PEPD: variants seen among roughly 807,000 people sequenced by gnomAD.
PEPD encodes xaa-Pro dipeptidase.
In PEPD, 53 loss-of-function variants were observed where a neutral mutation model predicts 60.7. The observed-to-expected ratio is 0.87, with a 90% CI of 0.70 to 1.10. PEPD has a LOEUF of 1.10. Among genes scored for constraint, PEPD ranks in the 50% least tolerant of loss-of-function variants. PEPD has a pLI of 0.00. For synonymous variants in PEPD, 267 were observed against 284.1 expected (o/e 0.94, Z 0.60); for missense variants, 711 against 711.9 (o/e 1.00, Z 0.01).
chr19:33,499,736 AAGAC>A (rs1211850674), intron 4 of PEPD, among the ~76,000 whole-genome samples: 1 of 152,194 alleles, frequency 6.6e-6, no homozygotes, highest in East Asian at 1.9e-4. Flanking sequence ...GGATAGGAGA[AAGAC>A]AGAGAAATGG....
At chr19:33,493,757 T>A (rs1568500540) in intron 4 of PEPD, among the ~76,000 whole-genome samples, 1 of 152,000 alleles carries the variant, frequency 6.6e-6, no homozygotes, top group Non-Finnish European at 1.5e-5. Flanking sequence ...GAAGACTCCC[T>A]CCCTGCTCCC....
chr19:33,474,165 C>T lies in PEPD; in HGVS notation c.548+3881G>A, dbSNP rs929824699. Among the ~76,000 whole-genome samples, 4 of 152,292 alleles carry T rather than the reference C, an allele frequency of 2.6e-5. No individual in the cohort carries two copies. In the South Asian group the frequency reaches 8.3e-4, roughly 32 times the overall value. ...CAAGACCATTCCAAGGGTGCTGGAC[C>T]GTACGTTCAGTGGGACCAGCAGTGA... On this transcript the variant is annotated intron_variant, in intron 7 of 14. Coordinates refer to ENST00000244137, the MANE Select transcript of PEPD (RefSeq NM_000285.4).
intron 9 of PEPD, among the ~76,000 whole-genome samples, chr19:33,445,941 AAGAG>A (rs1442552470): frequency 6.6e-6 from 1 of 152,170 alleles, no homozygotes; most frequent in African/African-American, 2.4e-5. Flanking sequence ...CCCGTGGCAG[AAGAG>A]AGAAATCCAC....
chr19:33,518,215 TA>T (rs1568515637), intron 1 of PEPD, among the ~76,000 whole-genome samples: 4 of 152,178 alleles, frequency 2.6e-5, no homozygotes, highest in East Asian at 3.9e-4. Context: ...CTGGGGCGGA[TA>T]GGGGTGCCAA....
chr19:33,469,487 T>G (rs529614270), intron 7 of PEPD, among the ~76,000 whole-genome samples: 6 of 152,250 alleles, frequency 3.9e-5, no homozygotes, highest in African/African-American at 1.4e-4. Context: ...CCACTCCTAC[T>G]TCTTGGAGCG....
chr19:33,467,545 C>T (rs1441227507), intron 7 of PEPD, among the ~76,000 whole-genome samples: 2 of 152,094 alleles, frequency 1.3e-5, no homozygotes, highest in African/African-American at 4.8e-5. Flanking sequence ...AGGGCAAAGG[C>T]AAGATGGGGT....
Position 33,521,099 on chromosome 19 carries a change from T to G in PEPD, c.17+645A>C, listed in dbSNP as rs1229185899. 2.0e-5 allele frequency among the ~76,000 whole-genome samples: 3 copies of G among 152,150 alleles called. No homozygotes were observed. In the East Asian group the frequency reaches 5.8e-4, roughly 29 times the overall value. On this transcript the variant is annotated intron_variant, in intron 1 of 14. Coordinates refer to ENST00000244137, the MANE Select transcript of PEPD (RefSeq NM_000285.4). ...CCACCCTTCCTCCCACTACGACCAC[T>G]CAGCTTTCTTTCATTTAGCCCAGTA...
chr19:33,432,932 C>T (rs1439981546), intron 9 of PEPD, among the ~76,000 whole-genome samples: 1 of 152,258 alleles, frequency 6.6e-6, no homozygotes, highest in Non-Finnish European at 1.5e-5. Flanking sequence ...ACCTCGGCCT[C>T]CTCGGCTATA....
intron 5 of PEPD, among the ~76,000 whole-genome samples, chr19:33,490,716 TG>T (rs1334451409): frequency 1.3e-5 from 2 of 152,086 alleles, no homozygotes; most frequent in Non-Finnish European, 2.9e-5. Context: ...CAGGCTGGAG[TG>T]TGGTGGCACC....
At chr19:33,438,391 G>T (rs1969420554) in intron 9 of PEPD, among the ~76,000 whole-genome samples, 1 of 152,234 alleles carries the variant, frequency 6.6e-6, no homozygotes. Flanking sequence ...TCTTGTGGTT[G>T]CCAGAAAATG....
chr19:33,495,031 G>A (rs1970574123), intron 4 of PEPD, among the ~76,000 whole-genome samples: 2 of 151,992 alleles, frequency 1.3e-5, no homozygotes, highest in South Asian at 2.1e-4. Context: ...AGCTACTCAG[G>A]AGGCTGAGGC....
At chr19:33,507,762 C>A (rs1970840857) in intron 3 of PEPD, among the ~76,000 whole-genome samples, 1 of 152,136 alleles carries the variant, frequency 6.6e-6, no homozygotes, top group East Asian at 1.9e-4. Context: ...GGCCACTCCC[C>A]AGCTCCAGTC....
At chr19:33,495,017 TCC>T (rs1322418469) in intron 4 of PEPD, among the ~76,000 whole-genome samples, 12 of 152,020 alleles carry the variant, frequency 7.9e-5, no homozygotes, top group Non-Finnish European at 1.5e-5. Flanking sequence ...GTGCCTGTAG[TCC>T]CAGCTACTCA....
At chr19:33,512,568 C>G (rs1600176342) in intron 2 of PEPD, 25 bp downstream of exon 2, 6 of 1,610,328 alleles carry the variant, frequency 3.7e-6, no homozygotes, top group Non-Finnish European at 5.1e-6. Flanking sequence ...CACCTGCTCA[C>G]TTGTGGCCAA....
At chr19:33,423,478 T>C (rs1020487462) in intron 9 of PEPD, among the ~76,000 whole-genome samples, 10 of 152,318 alleles carry the variant, frequency 6.6e-5, no homozygotes, top group African/African-American at 2.4e-4. Context: ...TGAACACTCA[T>C]AAGGATTTTG....
At chr19:33,422,816 CTATATCTA>C (rs1257389715) in intron 9 of PEPD, among the ~76,000 whole-genome samples, 16 of 59,562 alleles carry the variant, frequency 2.7e-4, no homozygotes, top group South Asian at 1.2e-3. Context: ...ATCCATCCTT[CTATATCTA>C]TCTATCTATC....
At chr19:33,431,195 GGAGGGAGA>G in intron 9 of PEPD, among the ~76,000 whole-genome samples, 1 of 143,064 alleles carries the variant, frequency 7.0e-6, no homozygotes, top group Admixed American at 6.9e-5. Context: ...AGGGAGGGAG[GGAGGGAGA>G]GAGGGAGGGA....
intron 3 of PEPD, 51 bp downstream of exon 3, chr19:33,510,977 C>T: frequency 1.9e-6 from 3 of 1,584,306 alleles, no homozygotes; most frequent in African/African-American, 1.3e-5. Context: ...CCCCTACCCA[C>T]CCCCAGCCCA....
At chr19:33,478,873 G>T (rs563765881) in intron 6 of PEPD, among the ~76,000 whole-genome samples, 1 of 152,288 alleles carries the variant, frequency 6.6e-6, no homozygotes, top group East Asian at 1.9e-4. Context: ...CTGAATCCAC[G>T]TGAAGAGAAA....
Sources: allele counts gnomAD v4.1 joint callset (sites outside exome capture counted in the v4.1 genomes callset), GRCh38; gene constraint gnomAD v4.1.1; transcripts MANE v1.5; gene names NCBI Gene and HGNC (gene_info 2026-07-23, HGNC 2026-07-21).